The following LAMA3 variants were observed in gnomAD, a reference collection of about 807,000 sequenced individuals.
LAMA3 encodes the protein laminin subunit alpha-3.
LAMA3 carries 281 observed loss-of-function variants against 402.0 expected under a neutral mutation model. That is an observed-to-expected ratio of 0.70 (90% CI 0.63 to 0.77). The LOEUF (loss-of-function observed/expected upper bound fraction) is 0.77. Among genes scored for constraint, LAMA3 ranks in the 30% least tolerant of loss-of-function variants. The probability of loss-of-function intolerance (pLI) is 0.00; values close to 1 mark genes in which losing one functional copy is unlikely to be tolerated. For synonymous variants in LAMA3, 1,431 were observed against 1,558.4 expected (o/e 0.92, Z 1.93); for missense variants, 3,840 against 4,215.5 (o/e 0.91, Z 2.47).
Position 23,824,504 on chromosome 18 carries a change from A to G in LAMA3, c.2510A>G (p.Asp837Gly). 1 of 1,614,152 alleles carries G rather than the reference A, an allele frequency of 6.2e-7. No homozygotes were observed. The highest frequency in any genetic ancestry group is 8.5e-7 in the Non-Finnish European group (1 of 1,179,982). Residue 837 changes from aspartate to glycine, a missense_variant, in exon 21 of 75, where the codon GAC (aspartate) becomes GGC (glycine). Asp to Gly is a moderately conservative substitution (Grantham distance 94, BLOSUM62 -1). This residue lies in a region of LAMA3 where 2,109 missense variants were observed against 2,376.0 expected (regional missense o/e 0.89). Transcript: ENST00000313654. Reference sequence around the variant, plus strand: ...ACTGTCCCTGGAAATGGTTTTGCAGACCCATTTTCAATCACACCAGGAATA... The same window carrying G: ...ACTGTCCCTGGAAATGGTTTTGCAGGCCCATTTTCAATCACACCAGGAATA... ...FVTVPGNGFADPFSITPGIWV... is the reference protein window; with the variant it reads ...FVTVPGNGFAGPFSITPGIWV...
In LAMA3 at chr18:23,845,050, A is replaced by G. The variant is rs1480607417; in HGVS notation, c.3645A>G (p.Gln1215=). Residue 1215 remains glutamine (Q), a synonymous_variant, in exon 30 of 75, where the codon CAA becomes CAG. Coordinates refer to ENST00000313654, the MANE Select transcript of LAMA3 (RefSeq NM_198129.4). The stretch of plus-strand genomic sequence containing the variant: ...TGCCTGCAGAAAACTATGACTACCA[A>G]ATACTTCACAAAAAATCCATGGACA... ...LVVPAENYDY[Q]ILHKKSMDKS... is the part of the protein sequence containing the mutation. 3 of 1,613,192 alleles carry G rather than the reference A, an allele frequency of 1.9e-6. No individual in the cohort carries two copies. Among genetic ancestry groups the G allele is most frequent in the South Asian group, 2.2e-5 (2 of 91,050 alleles).
chr18:23,753,914 A>T, intron 6 of LAMA3, 102 bp downstream of exon 6: 1 of 791,246 alleles, frequency 1.3e-6, no homozygotes, highest in South Asian at 1.5e-5. Context: ...TCCTGTCCTC[A>T]ATAGGAATGA....
intron 39 of LAMA3, among the ~76,000 whole-genome samples, chr18:23,877,197 C>G (rs1248940238): frequency 6.6e-6 from 1 of 152,232 alleles, no homozygotes; most frequent in African/African-American, 2.4e-5. Context: ...CACCGCCTGC[C>G]TGTTCCCTAT....
At chr18:23,819,175 G>GT (rs1192369770) in intron 18 of LAMA3, among the ~76,000 whole-genome samples, 18 of 71,562 alleles carry the variant, frequency 2.5e-4, no homozygotes, top group African/African-American at 1.7e-3. Flanking sequence ...TTGGCGAAGT[G>GT]TCTTTTTTTT....
At chr18:23,775,698 C>G in intron 9 of LAMA3, 94 bp from the exon 10 acceptor site, 1 of 1,396,740 alleles carries the variant, frequency 7.2e-7, no homozygotes, top group Non-Finnish European at 1.0e-6. Context: ...GACCAAGGAT[C>G]AAGTATGGAA....
At chr18:23,807,937 C>A (rs1387411298) in intron 12 of LAMA3, among the ~76,000 whole-genome samples, 3 of 152,140 alleles carry the variant, frequency 2.0e-5, no homozygotes, top group African/African-American at 7.2e-5. Context: ...GCAGACAGGC[C>A]AGCTGGGACT....
chr18:23,875,112 G>T (rs149654706), intron 38 of LAMA3, among the ~76,000 whole-genome samples: 1 of 152,060 alleles, frequency 6.6e-6, no homozygotes, highest in South Asian at 2.1e-4. Context: ...TGATCCACCC[G>T]CCTCGGCCTC....
At chr18:23,886,630 A>C (rs2065083551) in intron 41 of LAMA3, among the ~76,000 whole-genome samples, 1 of 152,204 alleles carries the variant, frequency 6.6e-6, no homozygotes, top group Admixed American at 6.5e-5. Context: ...CAACAGAAAA[A>C]AAAAAGCCAA....
At chr18:23,876,245 T>A in intron 38 of LAMA3, 49 bp from the exon 39 acceptor site, 1 of 1,224,572 alleles carries the variant, frequency 8.2e-7, no homozygotes, top group Non-Finnish European at 1.2e-6. Context: ...CTTTGGATAG[T>A]AATTGTTTTC....
At chr18:23,819,448 C>A (rs2063240202) in intron 18 of LAMA3, among the ~76,000 whole-genome samples, 2 of 152,080 alleles carry the variant, frequency 1.3e-5, no homozygotes, top group Non-Finnish European at 2.9e-5. Context: ...GAGTGCCTGG[C>A]ACATAGACAT....
At chr18:23,917,235 G>A (rs1241316347) in intron 60 of LAMA3, among the ~76,000 whole-genome samples, 1 of 152,196 alleles carries the variant, frequency 6.6e-6, no homozygotes, top group Non-Finnish European at 1.5e-5. Flanking sequence ...ATTCCATGGT[G>A]TATATGTACC....
chr18:23,841,053 C>T (rs946160375), intron 27 of LAMA3, among the ~76,000 whole-genome samples: 10 of 152,120 alleles, frequency 6.6e-5, no homozygotes, highest in Non-Finnish European at 1.3e-4. Flanking sequence ...TGCATGTGTT[C>T]ACAGTGCATT....
At position 23,845,060 on chromosome 18, in the gene LAMA3, A is replaced by G. The variant is rs768573570; in HGVS notation, c.3655A>G (p.Lys1219Glu). The G allele has an allele frequency of 6.2e-7, 1 of 1,613,572 alleles. No individual in the cohort carries two copies. Among genetic ancestry groups the G allele is most frequent in the Non-Finnish European group, 8.5e-7 (1 of 1,179,464 alleles). The change falls in exon 30 of 75, where the codon AAA (lysine) becomes GAA (glutamate). Residue 1219 changes from lysine (K) to glutamate (E), a missense_variant. Lys to Glu is a moderately conservative substitution (Grantham distance 56, BLOSUM62 1). Around this residue, in one of 3 missense-constraint regions of LAMA3, gnomAD observed 2,109 missense variants for 2,376.0 expected, o/e 0.89. Transcript: ENST00000313654. ...AENYDYQILH[K>E]KSMDKSLEFI... ...AAACTATGACTACCAAATACTTCAC[A>G]AAAAATCCATGGACAAGTCACTCGA... is the stretch of plus-strand genomic sequence containing the variant.
chr18:23,932,329 G>A (rs771537174), intron 66 of LAMA3, 38 bp downstream of exon 66: 18 of 1,609,832 alleles, frequency 1.1e-5, no homozygotes, highest in Admixed American at 3.3e-5. Context: ...TGATGAGAAC[G>A]GCCTGCCCAT....
chr18:23,784,639 G>A (rs2062505075), intron 12 of LAMA3, among the ~76,000 whole-genome samples: 1 of 152,150 alleles, frequency 6.6e-6, no homozygotes, highest in Non-Finnish European at 1.5e-5. Context: ...CTCCCCACTT[G>A]TTTGTATCCT....
At position 23,838,791 on chromosome 18, in the gene LAMA3, G is replaced by A; in HGVS notation, c.3104G>A (p.Cys1035Tyr). Residue 1035 changes from cysteine to tyrosine, a missense_variant, in exon 26 of 75, where the codon TGT (cysteine) becomes TAT (tyrosine). Physicochemically the swap from Cys to Tyr is radical, Grantham distance 194. This residue lies in a region of LAMA3 where 2,109 missense variants were observed against 2,376.0 expected (regional missense o/e 0.89). Transcript: ENST00000313654. ...GTATTTGCTCACTAGCATCAAGTTT[G>A]TATCATACCTATTGAAGAATTCTCA... is the stretch of plus-strand genomic sequence containing the variant. ...HMARFLLHQV[C>Y]IIPIEEFSAE... The A allele has an allele frequency of 6.2e-7, 1 of 1,603,142 alleles. No homozygotes were observed. The highest frequency in any genetic ancestry group is 8.5e-7 in the Non-Finnish European group (1 of 1,169,984).
intron 19 of LAMA3, 101 bp from the exon 20 acceptor site, chr18:23,822,151 C>T: frequency 7.7e-7 from 1 of 1,306,440 alleles, no homozygotes; most frequent in Non-Finnish European, 1.1e-6. Flanking sequence ...GTGTACATTA[C>T]AAGTCCAGTA....
rs547935358 is a variant in LAMA3, at chr18:23,744,786, C to T, written c.448-3157C>T. On this transcript the variant is annotated intron_variant, in intron 2 of 74. Coordinates refer to ENST00000313654, the MANE Select transcript of LAMA3 (RefSeq NM_198129.4). ...GGCGGAGCTTGCAGTGAGCCAAGAT[C>T]GCACCACTGCACTCCAGCCTGGGCG... Among the ~76,000 whole-genome samples, 7 of 141,526 alleles carry T rather than the reference C, an allele frequency of 4.9e-5. No homozygotes were observed. In the South Asian group the frequency reaches 6.9e-4, roughly 14 times the overall value. The allele number at this position is 141,526 out of a possible 152,430, so 92.8% of individuals were successfully genotyped here.
chr18:23,875,280 T>C (rs2064670506), intron 38 of LAMA3, among the ~76,000 whole-genome samples: 1 of 151,910 alleles, frequency 6.6e-6, no homozygotes, highest in Non-Finnish European at 1.5e-5. Flanking sequence ...AGAAGAATTG[T>C]TTTTTTTCTG....
Sources: allele counts gnomAD v4.1 joint callset (sites outside exome capture counted in the v4.1 genomes callset), GRCh38; gene constraint gnomAD v4.1.1; regional missense constraint gnomAD v4.1.1; transcripts MANE v1.5; gene names NCBI Gene and HGNC (gene_info 2026-07-23, HGNC 2026-07-21).